OTOP2: variants seen among roughly 807,000 people sequenced by gnomAD.
OTOP2 encodes the protein otopetrin 2, also known as proton channel OTOP2.
Under a neutral mutation model 47.4 loss-of-function variants are expected in OTOP2, and 41 were observed. The ratio of observed to expected loss-of-function variants is 0.87; its 90% CI spans 0.67 to 1.12. The LOEUF (loss-of-function observed/expected upper bound fraction) is 1.12. Among genes scored for constraint, OTOP2 ranks in the 50% most tolerant of loss-of-function variants. OTOP2 has a pLI of 0.00. For missense variants in OTOP2, 721 were observed against 752.2 expected, an observed-to-expected ratio of 0.96 and a Z score of 0.49; for synonymous variants, 328 against 319.6, an observed-to-expected ratio of 1.03 and a Z score of -0.28.
rs368250494 is a variant in OTOP2, at chr17:74,925,659, C to T, written c.417C>T (p.His139=). ...FECQSAIKIL[H]PLIQAVFVII... ...GCCAGTCAGCCATCAAGATCCTGCA[C>T]CCCCTCATCCAGGCTGTGTTTGTCA... is the stretch of plus-strand genomic sequence containing the variant. The change falls in exon 3 of 7, where the codon CAC becomes CAT. Residue 139 remains histidine, a synonymous_variant. Coordinates refer to ENST00000331427, the MANE Select transcript of OTOP2 (RefSeq NM_178160.3). 11 of 1,614,074 alleles carry T rather than the reference C, an allele frequency of 6.8e-6. No individual in the cohort carries two copies. Among genetic ancestry groups the T allele is most frequent in the South Asian group, 2.2e-5 (2 of 91,084 alleles).
At chr17:74,928,136 A>G in intron 5 of OTOP2, 1 of 225,080 alleles carries the variant, frequency 4.4e-6, no homozygotes. Flanking sequence ...TGAGCTCAGG[A>G]GTTCAAGACC....
At position 74,930,973 on chromosome 17, in the gene OTOP2, C is replaced by T; in HGVS notation, c.1338C>T (p.Leu446=). The change falls in exon 6 of 7, where the codon CTC becomes CTT. Residue 446 remains leucine (L), a synonymous_variant. Transcript: ENST00000331427. The surrounding 1 kb of genome is among the most constrained non-coding windows in gnomAD (Gnocchi z 4.0). Reference sequence around the variant, plus strand: ...ACCCCAAGGAGCCCTGCCAAGACCTCACCTTCACCAACCTGGATGCCCTCC... The same window carrying T: ...ACCCCAAGGAGCCCTGCCAAGACCTTACCTTCACCAACCTGGATGCCCTCC... ...STHPKEPCQD[L]TFTNLDALHT... 1 of 1,614,166 alleles carries T rather than the reference C, an allele frequency of 6.2e-7. No individual in the cohort carries two copies.
intron 2 of OTOP2, 72 bp from the exon 3 acceptor site, chr17:74,925,484 T>A: frequency 6.3e-7 from 1 of 1,577,992 alleles, no homozygotes; most frequent in African/African-American, 1.3e-5. Flanking sequence ...TCAGGGCCTG[T>A]CCTCAGCTCG....
chr17:74,932,098 A>T (rs569035523), intron 6 of OTOP2, among the ~76,000 whole-genome samples: 67 of 152,276 alleles, frequency 4.4e-4, no homozygotes, highest in South Asian at 3.1e-3. Context: ...AACCCAAGAC[A>T]GAAATGGCCC....
intron 3 of OTOP2, among the ~76,000 whole-genome samples, 188 bp from the exon 4 acceptor site, chr17:74,927,035 A>T (rs1351176947): frequency 6.6e-6 from 1 of 152,204 alleles, no homozygotes; most frequent in Non-Finnish European, 1.5e-5. Context: ...TCAGCCTCCC[A>T]AAGTGCTGGG....
In OTOP2 at chr17:74,930,301, A is replaced by C; in HGVS notation, c.666A>C (p.Gly222=). 2.5e-6 allele frequency: 4 copies of C among 1,613,446 alleles called. No individual in the cohort carries two copies. Among genetic ancestry groups the C allele is most frequent in the Non-Finnish European group, 2.5e-6 (3 of 1,179,528 alleles). The change falls in exon 6 of 7, where the codon GGA becomes GGC. Residue 222 remains glycine (G), a synonymous_variant. Transcript: ENST00000331427. This position sits in a 1 kb window ranked among gnomAD's most constrained non-coding sequence, Gnocchi z 4.0. ...CAGAGCATGCAGACAACCCGGTCGGAGGAGACTCCTGCCTCTGCAGCACGG... is the reference window on the plus strand; with the variant it reads ...CAGAGCATGCAGACAACCCGGTCGGCGGAGACTCCTGCCTCTGCAGCACGG... ...ISDQHADNPV[G]GDSCLCSTAV...
In OTOP2 at chr17:74,924,533, A is replaced by G. The variant is rs1418765899; in HGVS notation, c.-33-67A>G. 2 of 1,353,998 alleles carry G rather than the reference A, an allele frequency of 1.5e-6. No homozygotes were observed. The highest frequency in any genetic ancestry group is 2.9e-5 in the African/African-American group (2 of 67,972). 83.9% of individuals were successfully genotyped at this position (1,353,998 alleles called of 1,614,324 possible). A position where few individuals can be genotyped will look rare whatever the true frequency, so the allele number is the denominator to read the frequency against. On this transcript the variant is annotated intron_variant, in intron 1 of 6. Transcript: ENST00000331427. This position sits in a 1 kb window ranked among gnomAD's most constrained non-coding sequence, Gnocchi z 7.7. Reference sequence around the variant, plus strand: ...CAGGAACTCCCTAGTCCCCAAGTCTAGGGATGAGATGGGGGAAGGAGAGCC... The same window carrying G: ...CAGGAACTCCCTAGTCCCCAAGTCTGGGGATGAGATGGGGGAAGGAGAGCC...
Position 74,924,739 on chromosome 17 carries a change from CG to C in OTOP2, c.109del (p.Val37Ter). The stretch of plus-strand genomic sequence containing the variant: ...GGCCGCCTGCTGTCGGTGCTGCTGG[CG>C]GTGAACGTGCTGCTCCTCGCCTGCA... ...KGGRLLSVLL[A>X]VNVLLLACTL... is the part of the protein sequence containing the mutation. On this transcript the variant is annotated frameshift_variant, in exon 2 of 7. Transcript: ENST00000331427. LOFTEE classifies it high-confidence loss of function. The surrounding 1 kb of genome is among the most constrained non-coding windows in gnomAD (Gnocchi z 7.7). The C allele has an allele frequency of 4.4e-6, 7 of 1,608,186 alleles. No individual in the cohort carries two copies. The highest frequency in any genetic ancestry group is 5.9e-6 in the Non-Finnish European group (7 of 1,177,926).
chr17:74,926,922 AT>A (rs1305878347), intron 3 of OTOP2, among the ~76,000 whole-genome samples: 1 of 151,692 alleles, frequency 6.6e-6, no homozygotes, highest in Non-Finnish European at 1.5e-5. Flanking sequence ...TGCCCAGATA[AT>A]TTTTTGTGCG....
rs1253213276 is a variant in OTOP2, at chr17:74,930,122, G to A, written c.644-157G>A. 2.0e-5 allele frequency among the ~76,000 whole-genome samples: 3 copies of A among 152,084 alleles called. No individual in the cohort carries two copies. The highest frequency in any genetic ancestry group is 4.8e-5 in the African/African-American group (2 of 41,396). The stretch of plus-strand genomic sequence containing the variant: ...GGCTTGAATCCGGGAGGTGAAGCTT[G>A]CAGTGAGCCAAGATCACACCATTGC... On this transcript the variant is annotated intron_variant, in intron 5 of 6. Coordinates refer to ENST00000331427, the MANE Select transcript of OTOP2 (RefSeq NM_178160.3). The surrounding 1 kb of genome is among the most constrained non-coding windows in gnomAD (Gnocchi z 4.0).
At chr17:74,928,277 C>A (rs1031985697) in intron 5 of OTOP2, among the ~76,000 whole-genome samples, 1 of 151,756 alleles carries the variant, frequency 6.6e-6, no homozygotes, top group Non-Finnish European at 1.5e-5. Flanking sequence ...CCTGGGAGGT[C>A]GAGACTGCAG....
chr17:74,927,403 G>A (rs1002024117), intron 4 of OTOP2, 122 bp downstream of exon 4: 11 of 1,227,096 alleles, frequency 9.0e-6, no homozygotes, highest in Non-Finnish European at 1.2e-5. Flanking sequence ...TTGCAGCCAA[G>A]CCCTCCTTGC....
Position 74,933,478 on chromosome 17 carries a change from T to A in OTOP2, c.1622T>A (p.Leu541His). The A allele has an allele frequency of 6.2e-7, 1 of 1,614,108 alleles. No individual in the cohort carries two copies. The highest frequency in any genetic ancestry group is 8.5e-7 in the Non-Finnish European group (1 of 1,179,992). The change falls in exon 7 of 7, where the codon CTC becomes CAC. Residue 541 changes from leucine to histidine, a missense_variant. Coordinates refer to ENST00000331427, the MANE Select transcript of OTOP2 (RefSeq NM_178160.3). This position sits in a 1 kb window ranked among gnomAD's most constrained non-coding sequence, Gnocchi z 4.7. ...TGGGCGGTCATCGTCAACATCTGCC[T>A]CCCTTTCGGCATCTTCTACCGCATG... ...SLWAVIVNIC[L>H]PFGIFYRMHA...
intron 3 of OTOP2, 106 bp downstream of exon 3, chr17:74,925,798 G>A: frequency 1.3e-6 from 2 of 1,493,922 alleles, no homozygotes; most frequent in African/African-American, 1.4e-5. Context: ...CTCGTATCCT[G>A]AGCTATTAAG....
chr17:74,933,419 C>T lies in OTOP2; in HGVS notation c.1563C>T (p.Asn521=), dbSNP rs367952486. The T allele has an allele frequency of 6.2e-7, 1 of 1,614,022 alleles. No individual in the cohort carries two copies. The change falls in exon 7 of 7, where the codon AAC becomes AAT. Residue 521 remains asparagine, a synonymous_variant. Coordinates refer to ENST00000331427, the MANE Select transcript of OTOP2 (RefSeq NM_178160.3). The surrounding 1 kb of genome is among the most constrained non-coding windows in gnomAD (Gnocchi z 4.7). ...TCGGGGCCCGCCCTCATTTCAGCAA[C>T]ACAGTGGAGGTGGATTTCTACGGCT... ...PAFGARPHFS[N]TVEVDFYGYS...
rs192321376 is a variant in OTOP2 at position 74,930,003 on chromosome 17, C to A, written c.644-276C>A. Among the ~76,000 whole-genome samples, 43 of 152,126 alleles carry A rather than the reference C, an allele frequency of 2.8e-4. No homozygotes were observed. The East Asian group carries it at 7.2e-3, about 25-fold the overall frequency. ...TTCAAGACCAGCCTGGCCAACATGG[C>A]GAAACCCTGTCTCTACTAAAAATAT... is the stretch of plus-strand genomic sequence containing the variant. On this transcript the variant is annotated intron_variant, in intron 5 of 6. Coordinates refer to ENST00000331427, the MANE Select transcript of OTOP2 (RefSeq NM_178160.3). This position sits in a 1 kb window ranked among gnomAD's most constrained non-coding sequence, Gnocchi z 4.0.
chr17:74,932,577 C>T (rs900309473), intron 6 of OTOP2, among the ~76,000 whole-genome samples: 2 of 152,232 alleles, frequency 1.3e-5, no homozygotes, highest in Non-Finnish European at 2.9e-5. Context: ...TGCCCTCTGG[C>T]CCCACCTCCA....
chr17:74,933,677 T>C lies in OTOP2; in HGVS notation c.*132T>C. The C allele has an allele frequency of 9.0e-7, 1 of 1,113,916 alleles. No homozygotes were observed. The highest frequency in any genetic ancestry group is 2.9e-5 in the Admixed American group (1 of 34,854). 69.0% of individuals were successfully genotyped at this position (1,113,916 alleles called of 1,614,324 possible). ...TCCTTCTGGTCCCAGAGTGGAATTTTCACAAAAGTTATTTTTCCAGGTTCA... is the reference window on the plus strand; with the variant it reads ...TCCTTCTGGTCCCAGAGTGGAATTTCCACAAAAGTTATTTTTCCAGGTTCA... On this transcript the variant is annotated 3_prime_UTR_variant, in exon 7 of 7. Coordinates refer to ENST00000331427, the MANE Select transcript of OTOP2 (RefSeq NM_178160.3). The surrounding 1 kb of genome is among the most constrained non-coding windows in gnomAD (Gnocchi z 4.7).
In OTOP2 at chr17:74,933,659, G is replaced by C. The variant is rs2039080430; in HGVS notation, c.*114G>C. The stretch of plus-strand genomic sequence containing the variant: ...GCCATATGACAGCCCATTTCCTTCT[G>C]GTCCCAGAGTGGAATTTTCACAAAA... On this transcript the variant is annotated 3_prime_UTR_variant, in exon 7 of 7. Coordinates refer to ENST00000331427, the MANE Select transcript of OTOP2 (RefSeq NM_178160.3). This position sits in a 1 kb window ranked among gnomAD's most constrained non-coding sequence, Gnocchi z 4.7. 2 of 1,240,826 alleles carry C rather than the reference G, an allele frequency of 1.6e-6. No individual in the cohort carries two copies. The highest frequency in any genetic ancestry group is 2.2e-6 in the Non-Finnish European group (2 of 922,820). The allele number at this position is 1,240,826 out of a possible 1,614,324, so 76.9% of individuals were successfully genotyped here. A position where few individuals can be genotyped will look rare whatever the true frequency, so the allele number is the denominator to read the frequency against.
Sources: allele counts gnomAD v4.1 joint callset (sites outside exome capture counted in the v4.1 genomes callset), GRCh38; gene constraint gnomAD v4.1.1; non-coding constraint Gnocchi (gnomAD v3.1); transcripts MANE v1.5; gene names NCBI Gene and HGNC (gene_info 2026-07-23, HGNC 2026-07-21).